The following ZNF516 variants were observed in gnomAD, a reference collection of about 807,000 sequenced individuals.
ZNF516 encodes the protein zinc finger protein 516.
ZNF516 carries 19 observed loss-of-function variants against 79.7 expected under a neutral mutation model. The observed-to-expected ratio is 0.24, with a 90% CI of 0.17 to 0.35. ZNF516 has a LOEUF of 0.35. Ranked by LOEUF, ZNF516 falls within the 10% of genes least tolerant of loss-of-function variation. The probability of loss-of-function intolerance (pLI) is 1.00; values close to 1 mark genes in which losing one functional copy is unlikely to be tolerated. For synonymous variants in ZNF516, 877 were observed against 739.5 expected (o/e 1.19, Z -3.02); for missense variants, 1,678 against 1,679.5 (o/e 1.00, Z 0.02).
chr18:76,490,004 G>C (rs780929237), intron 1 of ZNF516: 19 of 198,864 alleles, frequency 9.6e-5, no homozygotes, highest in Non-Finnish European at 1.7e-4. Flanking sequence ...AATGCGCTCT[G>C]GTGTTTCAGT....
chr18:76,370,371 C>G (rs2074682433), intron 6 of ZNF516, among the ~76,000 whole-genome samples, 157 bp downstream of exon 6: 1 of 152,164 alleles, frequency 6.6e-6, no homozygotes, highest in Non-Finnish European at 1.5e-5. Context: ...CCACAGACGG[C>G]CCCGAAGGGT....
intron 3 of ZNF516, among the ~76,000 whole-genome samples, chr18:76,382,408 A>G (rs983991637): frequency 2.0e-5 from 3 of 152,212 alleles, no homozygotes; most frequent in Admixed American, 6.5e-5. Flanking sequence ...TCCCTGCAGT[A>G]AAGGAATACA....
At position 76,409,587 on chromosome 18, in the gene ZNF516, G is replaced by A. The variant is rs919457880; in HGVS notation, c.1811-29284C>T. Among the ~76,000 whole-genome samples the A allele has an allele frequency of 4.6e-5, 7 of 152,296 alleles. No homozygotes were observed. The South Asian group carries it at 1.2e-3, about 27-fold the overall frequency. On this transcript the variant is annotated intron_variant, in intron 3 of 6. Coordinates refer to ENST00000443185, the MANE Select transcript of ZNF516 (RefSeq NM_014643.4). ...GCCAGACTGTTCTTCTGGTAGGAAC[G>A]ATATTAAAGTATACCAACTATTACA...
At chr18:76,380,377 G>A (rs2074871968) in intron 3 of ZNF516, 74 bp from the exon 4 acceptor site, 1 of 1,534,764 alleles carries the variant, frequency 6.5e-7, no homozygotes, top group Non-Finnish European at 8.8e-7. Context: ...GGTGCGTACA[G>A]CTACAGCATG....
Position 76,371,352 on chromosome 18 carries a change from G to A in ZNF516, c.3364+115C>T, listed in dbSNP as rs76190735. The A allele has an allele frequency of 1.4e-3, 1,548 of 1,091,612 alleles. 18 individuals are homozygous for A. The African/African-American group carries it at 0.021, about 15-fold the overall frequency. 67.6% of individuals were successfully genotyped at this position (1,091,612 alleles called of 1,614,324 possible). A position where few individuals can be genotyped will look rare whatever the true frequency, so the allele number is the denominator to read the frequency against. ...GGAGGCAGATGGCAGGCCCCCCGCC[G>A]CCTGGTAGGGGCTGAAATCTCAGTA... On this transcript the variant is annotated intron_variant, in intron 5 of 6. Transcript: ENST00000443185.
intron 3 of ZNF516, among the ~76,000 whole-genome samples, chr18:76,382,850 A>G: frequency 6.6e-6 from 1 of 152,188 alleles, no homozygotes; most frequent in East Asian, 1.9e-4. Context: ...GTTTGAGGAC[A>G]GCCTGGCCAA....
At chr18:76,389,770 T>C (rs547194678) in intron 3 of ZNF516, among the ~76,000 whole-genome samples, 43 of 152,284 alleles carry the variant, frequency 2.8e-4, no homozygotes, top group Non-Finnish European at 4.9e-4. Context: ...CCTTTAAAAA[T>C]AGCAAGCAGC....
chr18:76,479,569 G>A (rs148560746), intron 1 of ZNF516, among the ~76,000 whole-genome samples: 10 of 152,290 alleles, frequency 6.6e-5, no homozygotes, highest in Non-Finnish European at 7.4e-5. Context: ...CGTTCGTAAC[G>A]GGCCAGAAGT....
At chr18:76,443,478 G>A (rs941484304) in intron 2 of ZNF516, among the ~76,000 whole-genome samples, 1 of 152,234 alleles carries the variant, frequency 6.6e-6, no homozygotes, top group Middle Eastern at 3.4e-3. Context: ...TCCCAATAAG[G>A]TATCAAATCT....
rs1434555813 is a variant in ZNF516, at chr18:76,357,838, C to T, written c.*4660G>A. On this transcript the variant is annotated 3_prime_UTR_variant, in exon 7 of 7. Coordinates refer to ENST00000443185, the MANE Select transcript of ZNF516 (RefSeq NM_014643.4). ...TGTGGCTGAGTCAGAATTCCGTCCG[C>T]GTCCATCCCTGTGCGTCCTGTATGG... Among the ~76,000 whole-genome samples the T allele has an allele frequency of 2.0e-5, 3 of 152,094 alleles. No homozygotes were observed. Among genetic ancestry groups the T allele is most frequent in the African/African-American group, 4.8e-5 (2 of 41,412 alleles).
chr18:76,425,980 C>A (rs557264442), intron 3 of ZNF516, among the ~76,000 whole-genome samples: 25 of 152,380 alleles, frequency 1.6e-4, no homozygotes, highest in African/African-American at 3.6e-4. Flanking sequence ...GTCAAATTAA[C>A]ATAAGACTGC....
intron 3 of ZNF516, among the ~76,000 whole-genome samples, chr18:76,440,773 C>CAT (rs2075807062): frequency 6.9e-6 from 1 of 144,754 alleles, no homozygotes; most frequent in Non-Finnish European, 1.5e-5. Flanking sequence ...CGCGCACGCG[C>CAT]GCATGCATCG....
chr18:76,492,499 C>T, intron 1 of ZNF516: 3 of 430,508 alleles, frequency 7.0e-6, no homozygotes, highest in Non-Finnish European at 9.3e-6. Flanking sequence ...AGGGACTAGG[C>T]ATCAACTCCC....
At chr18:76,368,730 AATT>A (rs1344025537) in intron 6 of ZNF516, among the ~76,000 whole-genome samples, 2 of 152,244 alleles carry the variant, frequency 1.3e-5, no homozygotes, top group Non-Finnish European at 2.9e-5. Context: ...AATGAGTAAC[AATT>A]ATTATATTGT....
intron 3 of ZNF516, among the ~76,000 whole-genome samples, chr18:76,398,854 G>A (rs975072916): frequency 6.6e-6 from 1 of 152,052 alleles, no homozygotes; most frequent in South Asian, 2.1e-4. Flanking sequence ...ATGCATAAAT[G>A]TCCAAAAACA....
chr18:76,444,055 T>A (rs1439742942), intron 2 of ZNF516, among the ~76,000 whole-genome samples: 2 of 152,114 alleles, frequency 1.3e-5, no homozygotes, highest in South Asian at 4.1e-4. Context: ...GAGGGACGCA[T>A]GAATCAAAAT....
intron 2 of ZNF516, among the ~76,000 whole-genome samples, chr18:76,444,044 C>T (rs1022028166): frequency 2.0e-5 from 3 of 152,148 alleles, no homozygotes; most frequent in Non-Finnish European, 4.4e-5. Flanking sequence ...CCACCAAGGA[C>T]GAGGGACGCA....
intron 1 of ZNF516, among the ~76,000 whole-genome samples, chr18:76,478,238 A>G (rs1010007192): frequency 6.6e-6 from 1 of 152,228 alleles, no homozygotes; most frequent in East Asian, 1.9e-4. Context: ...CCATCATCTC[A>G]ATAAAATATT....
chr18:76,413,790 A>G (rs1454924075), intron 3 of ZNF516, among the ~76,000 whole-genome samples: 3 of 152,264 alleles, frequency 2.0e-5, no homozygotes, highest in Non-Finnish European at 4.4e-5. Flanking sequence ...GTAAAAGCCA[A>G]TAATATTGGT....
Sources: gnomAD v4.1 joint callset for allele counts (sites outside exome capture counted in the v4.1 genomes callset) on GRCh38, gnomAD v4.1.1 for gene constraint, MANE v1.5 for transcripts, NCBI Gene and HGNC (gene_info 2026-07-23, HGNC 2026-07-21) for gene names.